Variants in PITPNC1 observed in about 807,000 individuals in gnomAD.
PITPNC1 encodes the protein cytoplasmic phosphatidylinositol transfer protein 1.
Under a neutral mutation model 44.7 loss-of-function variants are expected in PITPNC1, and 18 were observed. The ratio of observed to expected loss-of-function variants is 0.40; its 90% confidence interval spans 0.28 to 0.60. PITPNC1 has a LOEUF of 0.60. Among genes scored for constraint, PITPNC1 ranks in the 20% least tolerant of loss-of-function variants. The pLI, the probability that PITPNC1 is intolerant of heterozygous loss-of-function variation, is 0.39. For synonymous variants in PITPNC1, 141 were observed against 149.6 expected (o/e 0.94, Z 0.42); for missense variants, 290 against 418.4 (o/e 0.69, Z 2.68).
chr17:67,467,050 G>A (rs1168528617), intron 1 of PITPNC1, among the ~76,000 whole-genome samples: 3 of 145,648 alleles, frequency 2.1e-5, no homozygotes, highest in Admixed American at 1.5e-4. Flanking sequence ...GAGCCAGTTA[G>A]GAGATTTTTT....
intron 2 of PITPNC1, among the ~76,000 whole-genome samples, chr17:67,549,426 G>C (rs572040352): frequency 6.6e-6 from 1 of 152,198 alleles, no homozygotes; most frequent in African/African-American, 2.4e-5. Context: ...CTAAATGATC[G>C]TGGTTTTTTA....
At chr17:67,405,387 A>G (rs983209797) in intron 1 of PITPNC1, among the ~76,000 whole-genome samples, 7 of 151,822 alleles carry the variant, frequency 4.6e-5, no homozygotes, top group Non-Finnish European at 8.8e-5. Flanking sequence ...ACTGTACTCC[A>G]GTCTGGGTGA....
chr17:67,394,270 C>G (rs780299650), intron 1 of PITPNC1, among the ~76,000 whole-genome samples: 18 of 152,130 alleles, frequency 1.2e-4, no homozygotes, highest in Non-Finnish European at 1.9e-4. Flanking sequence ...CTCAAGTGAT[C>G]CTCCCGCCTT....
At chr17:67,595,943 G>A (rs1184698811) in intron 5 of PITPNC1, among the ~76,000 whole-genome samples, 1 of 152,146 alleles carries the variant, frequency 6.6e-6, no homozygotes, top group Non-Finnish European at 1.5e-5. Flanking sequence ...ATGCCGATCA[G>A]ATGATAATAA....
intron 5 of PITPNC1, among the ~76,000 whole-genome samples, chr17:67,631,091 T>TATC (rs2041961452): frequency 1.4e-5 from 2 of 145,942 alleles, no homozygotes; most frequent in Non-Finnish European, 3.0e-5. Flanking sequence ...TTATTATTAT[T>TATC]ATTATTTTGC....
At chr17:67,636,457 C>T (rs758998086) in intron 6 of PITPNC1, among the ~76,000 whole-genome samples, 18 of 152,198 alleles carry the variant, frequency 1.2e-4, no homozygotes, top group African/African-American at 2.9e-4. Context: ...TAAATGGATG[C>T]GGGAGAAGGG....
chr17:67,393,129 CAAA>C (rs79602275), intron 1 of PITPNC1, among the ~76,000 whole-genome samples: 5 of 96,638 alleles, frequency 5.2e-5, no homozygotes, highest in Admixed American at 2.2e-4. Flanking sequence ...GACTCCACCT[CAAA>C]AAAAAAAAAA....
chr17:67,390,115 C>T (rs2038116194), intron 1 of PITPNC1, among the ~76,000 whole-genome samples: 1 of 152,074 alleles, frequency 6.6e-6, no homozygotes, highest in Admixed American at 6.6e-5. Context: ...TGAAAAGTTA[C>T]GGTCCCCGTC....
chr17:67,532,822 C>T lies in PITPNC1; in HGVS notation c.69C>T (p.Tyr23=), dbSNP rs2040480438. 6.4e-7 allele frequency: 1 copy of T among 1,572,350 alleles called. No individual in the cohort carries two copies. The highest frequency in any genetic ancestry group is 1.9e-5 in the Admixed American group (1 of 52,900). Residue 23 remains tyrosine (Y), a synonymous_variant, in exon 2 of 9, where the codon TAC becomes TAT. Coordinates refer to ENST00000581322, the MANE Select transcript of PITPNC1 (RefSeq NM_012417.4). ...TVDEYKIGQL[Y]MISKHSHEQS... Reference sequence around the variant, plus strand: ...TGTAGTACAAAATTGGACAGCTGTACATGATCAGCAAACACAGCCATGAAC... The same window carrying T: ...TGTAGTACAAAATTGGACAGCTGTATATGATCAGCAAACACAGCCATGAAC...
At chr17:67,663,543 G>A (rs1598952814) in intron 6 of PITPNC1, among the ~76,000 whole-genome samples, 1 of 151,648 alleles carries the variant, frequency 6.6e-6, no homozygotes, top group Non-Finnish European at 1.5e-5. Flanking sequence ...ACTCCAGCCT[G>A]GGCAACACAG....
At chr17:67,380,283 C>T (rs1300198150) in intron 1 of PITPNC1, among the ~76,000 whole-genome samples, 1 of 152,086 alleles carries the variant, frequency 6.6e-6, no homozygotes, top group Non-Finnish European at 1.5e-5. Context: ...CCATGTTGGC[C>T]AGGCTGGTCT....
chr17:67,450,359 G>T (rs563199491), intron 1 of PITPNC1, among the ~76,000 whole-genome samples: 1 of 142,432 alleles, frequency 7.0e-6, no homozygotes, highest in South Asian at 2.3e-4. Flanking sequence ...TCCTGAAGGT[G>T]CACGGGAGAC....
chr17:67,524,475 AG>A (rs974966572), intron 1 of PITPNC1: 1 of 152,118 alleles, frequency 6.6e-6, no homozygotes, highest in Non-Finnish European at 1.5e-5. Context: ...GGAAAAAAAA[AG>A]GCAAGTGAAG....
At chr17:67,504,647 G>C (rs1327293159) in intron 1 of PITPNC1, among the ~76,000 whole-genome samples, 3 of 152,004 alleles carry the variant, frequency 2.0e-5, no homozygotes, top group Non-Finnish European at 2.9e-5. Flanking sequence ...TTTTTTGTTT[G>C]GCCAGTTTAG....
At chr17:67,401,637 A>G (rs1247437797) in intron 1 of PITPNC1, among the ~76,000 whole-genome samples, 2 of 152,036 alleles carry the variant, frequency 1.3e-5, no homozygotes, top group Admixed American at 1.3e-4. Flanking sequence ...TGAGGTCAGG[A>G]GTTCAAGACC....
chr17:67,582,014 CAA>C lies in PITPNC1; in HGVS notation c.366+3758_366+3759del, dbSNP rs1267165087. On this transcript the variant is annotated intron_variant, in intron 5 of 8. Coordinates refer to ENST00000581322, the MANE Select transcript of PITPNC1 (RefSeq NM_012417.4). ...CGCCACTGCACTCCAGCCTGGGTGA[CAA>C]GAGTGAAACTCTGTCTCAAAAAAAA... Among the ~76,000 whole-genome samples, 13 of 151,890 alleles carry C rather than the reference CAA, an allele frequency of 8.6e-5. No homozygotes were observed. The East Asian group carries it at 2.5e-3, about 29-fold the overall frequency.
At chr17:67,607,891 G>A (rs1019907384) in intron 5 of PITPNC1, among the ~76,000 whole-genome samples, 2 of 151,932 alleles carry the variant, frequency 1.3e-5, no homozygotes, top group East Asian at 1.9e-4. Context: ...ACCATGCCCA[G>A]CTAAATTTTT....
intron 8 of PITPNC1, among the ~76,000 whole-genome samples, chr17:67,683,162 C>CAAAAAAAAAAAAAAA (rs901577194): frequency 2.4e-5 from 1 of 41,528 alleles, no homozygotes; most frequent in Non-Finnish European, 5.4e-5. Context: ...AACTGAGTCT[C>CAAAAAAAAAAAAAAA]AAAAAAAAAA....
intron 1 of PITPNC1, among the ~76,000 whole-genome samples, chr17:67,405,811 T>G (rs2038388830): frequency 1.3e-5 from 2 of 152,108 alleles, no homozygotes; most frequent in African/African-American, 4.8e-5. Context: ...TTCGCCATGT[T>G]GCCCAGGCTG....
Sources: allele counts gnomAD v4.1 joint callset (sites outside exome capture counted in the v4.1 genomes callset), GRCh38; gene constraint gnomAD v4.1.1; transcripts MANE v1.5; gene names NCBI Gene and HGNC (gene_info 2026-07-23, HGNC 2026-07-21).